HS6ST3: variants seen among roughly 807,000 people sequenced by gnomAD.
HS6ST3 encodes heparan-sulfate 6-O-sulfotransferase 3.
HS6ST3 carries 12 observed loss-of-function variants against 36.7 expected under a neutral mutation model. The observed-to-expected ratio is 0.33, with a 90% CI of 0.21 to 0.53. The LOEUF (loss-of-function observed/expected upper bound fraction) is 0.53. Ranked by LOEUF, HS6ST3 falls within the 20% of genes least tolerant of loss-of-function variation. HS6ST3 has a pLI of 0.95. For missense variants in HS6ST3, 584 were observed against 640.9 expected, an observed-to-expected ratio of 0.91 and a Z score of 0.96; for synonymous variants, 240 against 257.5, an observed-to-expected ratio of 0.93 and a Z score of 0.65.
At chr13:96,114,980 G>C (rs537843241) in intron 1 of HS6ST3, among the ~76,000 whole-genome samples, 68 of 151,700 alleles carry the variant, frequency 4.5e-4, no homozygotes, top group Admixed American at 1.7e-3. Context: ...TTGATTACTG[G>C]GTTTAATAGT....
intron 1 of HS6ST3, among the ~76,000 whole-genome samples, chr13:96,628,617 G>A (rs964441924): frequency 4.6e-5 from 7 of 152,106 alleles, no homozygotes; most frequent in Admixed American, 1.3e-4. Context: ...ACTTCTCCCC[G>A]TGTACCTATA....
At position 96,799,944 on chromosome 13, in the gene HS6ST3, G is replaced by GTATA. The variant is rs34679351; in HGVS notation, c.708-32530_708-32527dup. 9.1e-5 allele frequency among the ~76,000 whole-genome samples: 8 copies of GTATA among 88,078 alleles called. No homozygotes were observed. The East Asian group carries it at 1.3e-3, about 15-fold the overall frequency. 57.8% of individuals were successfully genotyped at this position (88,078 alleles called of 152,430 possible). ...TCCTTTTGAATACATATATGTGTGT[G>GTATA]TATATATATATATATATATGTGTAT... On this transcript the variant is annotated intron_variant, in intron 1 of 1. Coordinates refer to ENST00000376705, the MANE Select transcript of HS6ST3 (RefSeq NM_153456.4).
intron 1 of HS6ST3, among the ~76,000 whole-genome samples, chr13:96,110,941 C>T (rs1460162762): frequency 6.6e-6 from 1 of 152,158 alleles, no homozygotes; most frequent in Non-Finnish European, 1.5e-5. Context: ...ATCATTTTCT[C>T]ACCATTCTTC....
chr13:96,643,420 G>C (rs1229898709), intron 1 of HS6ST3, among the ~76,000 whole-genome samples: 1 of 151,870 alleles, frequency 6.6e-6, no homozygotes, highest in African/African-American at 2.4e-5. Flanking sequence ...CAGATTCTCA[G>C]GAATTTGTTG....
chr13:96,263,091 T>C (rs1298016310), intron 1 of HS6ST3, among the ~76,000 whole-genome samples: 1 of 152,180 alleles, frequency 6.6e-6, no homozygotes, highest in East Asian at 1.9e-4. Flanking sequence ...TACCATGATT[T>C]TGAAGTAATG....
At chr13:96,763,875 C>T (rs565394689) in intron 1 of HS6ST3, among the ~76,000 whole-genome samples, 1 of 152,208 alleles carries the variant, frequency 6.6e-6, no homozygotes, top group East Asian at 1.9e-4. Context: ...AGATACAAAT[C>T]ATATTGCAAC....
chr13:96,518,056 C>T (rs1594798420), intron 1 of HS6ST3, among the ~76,000 whole-genome samples: 1 of 152,082 alleles, frequency 6.6e-6, no homozygotes, highest in African/African-American at 2.4e-5. Context: ...GTGTCTTTTG[C>T]AGGAACATGA....
intron 1 of HS6ST3, among the ~76,000 whole-genome samples, chr13:96,762,281 C>A (rs539439026): frequency 5.3e-4 from 81 of 152,126 alleles, no homozygotes; most frequent in African/African-American, 1.9e-3. Context: ...AGTTTGAGAC[C>A]AGCCTGGCCA....
intron 1 of HS6ST3, among the ~76,000 whole-genome samples, chr13:96,270,594 A>G (rs1159404549): frequency 7.1e-6 from 1 of 141,498 alleles, no homozygotes; most frequent in Non-Finnish European, 1.5e-5. Flanking sequence ...TCAGTCACTC[A>G]TTTAGAAGTA....
chr13:96,427,301 T>C (rs1177413555), intron 1 of HS6ST3: 1 of 154,338 alleles, frequency 6.5e-6, no homozygotes, highest in African/African-American at 2.4e-5. Context: ...TTATAAGTGA[T>C]AGTGCTATTG....
chr13:96,417,642 A>G (rs2055540611), intron 1 of HS6ST3, among the ~76,000 whole-genome samples: 1 of 149,994 alleles, frequency 6.7e-6, no homozygotes, highest in Non-Finnish European at 1.5e-5. Flanking sequence ...ATACACACAG[A>G]TATATACATG....
chr13:96,252,134 C>T (rs548487442), intron 1 of HS6ST3, among the ~76,000 whole-genome samples: 6 of 152,100 alleles, frequency 3.9e-5, no homozygotes, highest in Non-Finnish European at 5.9e-5. Context: ...CTATTGAGGT[C>T]TCCTACTATG....
chr13:96,157,570 G>A (rs1358017372), intron 1 of HS6ST3, among the ~76,000 whole-genome samples: 2 of 152,188 alleles, frequency 1.3e-5, no homozygotes, highest in African/African-American at 4.8e-5. Context: ...GAAAGCAACA[G>A]TAAGCAGTTG....
intron 1 of HS6ST3, among the ~76,000 whole-genome samples, chr13:96,737,148 AAGAG>A (rs941656660): frequency 8.6e-4 from 131 of 152,300 alleles, no homozygotes; most frequent in African/African-American, 3.0e-3. Flanking sequence ...TAAACAGAGA[AAGAG>A]AGAAAGAAGA....
At chr13:96,270,106 T>C (rs1004774764) in intron 1 of HS6ST3, among the ~76,000 whole-genome samples, 1 of 151,892 alleles carries the variant, frequency 6.6e-6, no homozygotes, top group Non-Finnish European at 1.5e-5. Context: ...TTTGTCTCTT[T>C]ATATACCCAT....
intron 1 of HS6ST3, among the ~76,000 whole-genome samples, chr13:96,539,707 T>A (rs1204350147): frequency 6.6e-6 from 1 of 152,184 alleles, no homozygotes; most frequent in Non-Finnish European, 1.5e-5. Flanking sequence ...CCATTTTAAT[T>A]TATTCCTGGA....
chr13:96,214,975 AT>A (rs2054416950), intron 1 of HS6ST3, among the ~76,000 whole-genome samples: 1 of 152,106 alleles, frequency 6.6e-6, no homozygotes, highest in Admixed American at 6.6e-5. Context: ...GATTTGACAG[AT>A]TTTATCTGAT....
At chr13:96,811,475 G>T (rs1878315577) in intron 1 of HS6ST3, among the ~76,000 whole-genome samples, 1 of 152,122 alleles carries the variant, frequency 6.6e-6, no homozygotes, top group Non-Finnish European at 1.5e-5. Context: ...TTTGAGAAAA[G>T]AATATCAAAG....
At chr13:96,799,982 G>GTATA (rs796234757) in intron 1 of HS6ST3, among the ~76,000 whole-genome samples, 6 of 82,556 alleles carry the variant, frequency 7.3e-5, no homozygotes, top group Admixed American at 1.2e-4. Context: ...ATATATATAT[G>GTATA]TATATATATA....
Sources: gnomAD v4.1 joint callset for allele counts (sites outside exome capture counted in the v4.1 genomes callset) on GRCh38, gnomAD v4.1.1 for gene constraint, MANE v1.5 for transcripts, NCBI Gene and HGNC (gene_info 2026-07-23, HGNC 2026-07-21) for gene names.